Variants in BMP5 observed in about 807,000 individuals in gnomAD.
BMP5 encodes bone morphogenetic protein 5.
A neutral mutation model predicts 46.6 loss-of-function variants in BMP5; 23 were observed. The observed-to-expected ratio is 0.49, with a 90% CI of 0.35 to 0.70. The LOEUF is 0.70. Among genes scored for constraint, BMP5 ranks in the 30% least tolerant of loss-of-function variants. The pLI is 0.00. For synonymous variants in BMP5, 204 were observed against 191.9 expected (o/e 1.06, Z -0.52); for missense variants, 545 against 565.6 (o/e 0.96, Z 0.37).
intron 1 of BMP5, among the ~76,000 whole-genome samples, chr6:55,830,258 A>T (rs565934987): frequency 2.0e-5 from 3 of 152,090 alleles, no homozygotes; most frequent in Non-Finnish European, 2.9e-5. Flanking sequence ...AGAATCAATA[A>T]AGAAATCACA....
At chr6:55,836,627 T>TACACACACACACACAC (rs71874169) in intron 1 of BMP5, among the ~76,000 whole-genome samples, 9 of 127,288 alleles carry the variant, frequency 7.1e-5, no homozygotes, top group African/African-American at 2.1e-4. Context: ...AACACATACA[T>TACACACACACACACAC]ACATACACAC....
At chr6:55,841,679 G>C (rs1034386801) in intron 1 of BMP5, among the ~76,000 whole-genome samples, 3 of 152,070 alleles carry the variant, frequency 2.0e-5, no homozygotes, top group Non-Finnish European at 4.4e-5. Flanking sequence ...TCTTCACATG[G>C]CTGTCTCTCT....
chr6:55,773,495 C>CTG (rs10555940), intron 4 of BMP5, among the ~76,000 whole-genome samples: 2,304 of 148,270 alleles, frequency 0.016, 26 homozygotes, highest in East Asian at 0.08. Context: ...TGTTGAAAGA[C>CTG]TGTGTGTGTG....
intron 4 of BMP5, among the ~76,000 whole-genome samples, chr6:55,769,008 T>C (rs1774982807): frequency 6.6e-6 from 1 of 152,094 alleles, no homozygotes; most frequent in African/African-American, 2.4e-5. Flanking sequence ...GATTAAAAAA[T>C]GCTAGTGATC....
chr6:55,817,641 C>A lies in BMP5; in HGVS notation c.683+2014G>T, dbSNP rs565271234. Among the ~76,000 whole-genome samples, 78 of 152,058 alleles carry A rather than the reference C, an allele frequency of 5.1e-4. No individual in the cohort carries two copies. The South Asian group carries it at 0.016, about 31-fold the overall frequency. ...GGGAGGGATAGCATTAGGAGATATA[C>A]CTAATGCTGAATGACGAGTTAATGG... On this transcript the variant is annotated intron_variant, in intron 2 of 6. Coordinates refer to ENST00000370830, the MANE Select transcript of BMP5 (RefSeq NM_021073.4).
chr6:55,811,858 C>T (rs998633487), intron 2 of BMP5, among the ~76,000 whole-genome samples: 4 of 152,172 alleles, frequency 2.6e-5, no homozygotes, highest in African/African-American at 9.7e-5. Context: ...CTCTTCATTT[C>T]TATTTCCACA....
intron 1 of BMP5, among the ~76,000 whole-genome samples, chr6:55,853,316 C>A (rs1777300573): frequency 6.6e-6 from 1 of 150,918 alleles, no homozygotes; most frequent in African/African-American, 2.4e-5. Context: ...CTCTCTCTGT[C>A]TCTCTCCCCC....
rs1400725335 is a variant in BMP5, at chr6:55,758,968, T to C, written c.1215+37A>G. On this transcript the variant is annotated intron_variant, in intron 6 of 6. Transcript: ENST00000370830. ...AAACAACTTTATAATATGCTTGCATTCTAAGCTTTTCTTAATCCTTCAAAA... is the reference window on the plus strand; with the variant it reads ...AAACAACTTTATAATATGCTTGCATCCTAAGCTTTTCTTAATCCTTCAAAA... 6 of 1,355,306 alleles carry C rather than the reference T, an allele frequency of 4.4e-6. No individual in the cohort carries two copies. In the South Asian group the frequency reaches 5.8e-5, roughly 13 times the overall value. The allele number at this position is 1,355,306 out of a possible 1,614,324, so 84.0% of individuals were successfully genotyped here. A position where few individuals can be genotyped will look rare whatever the true frequency, so the allele number is the denominator to read the frequency against.
chr6:55,795,247 C>T (rs572098066), intron 2 of BMP5, among the ~76,000 whole-genome samples: 143 of 152,120 alleles, frequency 9.4e-4, no homozygotes, highest in African/African-American at 3.3e-3. Context: ...TTACCTATTT[C>T]TGACATTTAA....
intron 1 of BMP5, among the ~76,000 whole-genome samples, chr6:55,858,682 A>G (rs1259041917): frequency 6.6e-6 from 1 of 152,212 alleles, no homozygotes; most frequent in Non-Finnish European, 1.5e-5. Flanking sequence ...AGGAGGCTTA[A>G]ACGTGTATTT....
At position 55,794,428 on chromosome 6, in the gene BMP5, C is replaced by T. The variant is rs1337905627; in HGVS notation, c.684-1G>A. Reference sequence around the variant, plus strand: ...GTCTAACAAGAACAGATCTGCATCCCTAAAAAGAAAAGGAACAACAAAAAA... The same window carrying T: ...GTCTAACAAGAACAGATCTGCATCCTTAAAAAGAAAAGGAACAACAAAAAA... On this transcript the variant is annotated splice_acceptor_variant, in intron 2 of 6. Transcript: ENST00000370830. LOFTEE classifies it high-confidence loss of function. 12 of 1,613,660 alleles carry T rather than the reference C, an allele frequency of 7.4e-6. No homozygotes were observed. Among genetic ancestry groups the T allele is most frequent in the Non-Finnish European group, 1.0e-5 (12 of 1,179,824 alleles).
intron 1 of BMP5, among the ~76,000 whole-genome samples, chr6:55,841,185 C>T (rs1218440215): frequency 6.6e-6 from 1 of 152,174 alleles, no homozygotes; most frequent in Non-Finnish European, 1.5e-5. Flanking sequence ...GAAAAATTGT[C>T]TTCCTCAAAA....
At chr6:55,763,988 G>T (rs1774851535) in intron 4 of BMP5, among the ~76,000 whole-genome samples, 1 of 152,060 alleles carries the variant, frequency 6.6e-6, no homozygotes, top group African/African-American at 2.4e-5. Flanking sequence ...AAAAATTCCT[G>T]AATATGATAA....
chr6:55,807,423 G>A (rs1217934917), intron 2 of BMP5, among the ~76,000 whole-genome samples: 2 of 152,170 alleles, frequency 1.3e-5, no homozygotes, highest in Non-Finnish European at 2.9e-5. Context: ...CAACTTGATC[G>A]TGGTGGATAA....
At chr6:55,841,776 C>T (rs1482872280) in intron 1 of BMP5, among the ~76,000 whole-genome samples, 2 of 152,100 alleles carry the variant, frequency 1.3e-5, no homozygotes, top group Non-Finnish European at 2.9e-5. Context: ...ATGTTTCACC[C>T]TAAAGGCTTT....
intron 3 of BMP5, among the ~76,000 whole-genome samples, chr6:55,778,286 T>C (rs1049967815): frequency 1.3e-5 from 2 of 151,970 alleles, no homozygotes; most frequent in Admixed American, 6.6e-5. Flanking sequence ...TGCTGGAAGC[T>C]GTTCAAGCTT....
chr6:55,764,589 A>AAAAAAAG (rs1562026350), intron 4 of BMP5, among the ~76,000 whole-genome samples: 14 of 147,558 alleles, frequency 9.5e-5, no homozygotes, highest in Non-Finnish European at 1.3e-4. Context: ...AAAAAAAAAG[A>AAAAAAAG]AAAAAAGAAA....
chr6:55,831,305 A>G, intron 1 of BMP5, among the ~76,000 whole-genome samples: 1 of 152,148 alleles, frequency 6.6e-6, no homozygotes, highest in East Asian at 1.9e-4. Context: ...TTAATATCTC[A>G]CTATTAAATA....
chr6:55,804,758 T>A (rs1482795382), intron 2 of BMP5, among the ~76,000 whole-genome samples: 2 of 152,122 alleles, frequency 1.3e-5, no homozygotes, highest in Non-Finnish European at 2.9e-5. Context: ...GTTTTATATC[T>A]GTGAATATGG....
Sources: gnomAD v4.1 joint callset for allele counts (sites outside exome capture counted in the v4.1 genomes callset) on GRCh38, gnomAD v4.1.1 for gene constraint, MANE v1.5 for transcripts, NCBI Gene and HGNC (gene_info 2026-07-23, HGNC 2026-07-21) for gene names.